Variants in RANBP3 observed in about 807,000 individuals in gnomAD.
RANBP3 encodes ran-binding protein 3.
RANBP3 carries 14 observed loss-of-function variants against 77.3 expected under a neutral mutation model. That is an observed-to-expected ratio of 0.18 (90% CI 0.12 to 0.28). The LOEUF (loss-of-function observed/expected upper bound fraction) is 0.28, where lower values mean the gene tolerates loss of function less well. Ranked by LOEUF, RANBP3 falls within the 10% of genes least tolerant of loss-of-function variation. The pLI, the probability that RANBP3 is intolerant of heterozygous loss-of-function variation, is 1.00. For synonymous variants in RANBP3, 315 were observed against 312.4 expected (o/e 1.01, Z -0.09); for missense variants, 586 against 752.3 (o/e 0.78, Z 2.59).
intron 1 of RANBP3, among the ~76,000 whole-genome samples, chr19:5,969,084 G>A (rs563401902): frequency 6.4e-4 from 97 of 152,302 alleles, no homozygotes; most frequent in African/African-American, 2.2e-3. Context: ...CTAAGGAAAG[G>A]AAGAGCCTGG....
chr19:5,957,732 C>G (rs942738917), intron 2 of RANBP3, among the ~76,000 whole-genome samples, 186 bp downstream of exon 2: 2 of 152,118 alleles, frequency 1.3e-5, no homozygotes, highest in Non-Finnish European at 2.9e-5. Context: ...AACCTCTCTC[C>G]ACGGTAACCT....
intron 10 of RANBP3, 144 bp downstream of exon 10, chr19:5,925,490 T>G (rs1420233030): frequency 2.1e-5 from 14 of 678,766 alleles, no homozygotes; most frequent in Non-Finnish European, 3.6e-5. Context: ...GTGCCCAGAG[T>G]GGGGAATGAG....
chr19:5,929,237 T>C (rs2057954920), intron 8 of RANBP3, among the ~76,000 whole-genome samples: 1 of 152,364 alleles, frequency 6.6e-6, no homozygotes, highest in South Asian at 2.1e-4. Context: ...CTTGTGCCTG[T>C]GCAAGAGTGA....
chr19:5,922,131 T>C (rs2057828912), intron 13 of RANBP3, among the ~76,000 whole-genome samples: 1 of 143,858 alleles, frequency 7.0e-6, no homozygotes, highest in African/African-American at 2.5e-5. Flanking sequence ...GTACGTTAGA[T>C]TCTGGTGAAA....
rs548023509 is a variant in RANBP3, at chr19:5,921,633, C to T, written c.1210-312G>A. 4.6e-5 allele frequency among the ~76,000 whole-genome samples: 7 copies of T among 152,262 alleles called. No homozygotes were observed. Among genetic ancestry groups the T allele is most frequent in the Non-Finnish European group, 8.8e-5 (6 of 68,046 alleles). The stretch of plus-strand genomic sequence containing the variant: ...CCTCACACACTGCTGGCGGGAAGGC[C>T]GCATGGTGCCACTGCTGTGGAAGAG... On this transcript the variant is annotated intron_variant, in intron 13 of 16. Coordinates refer to ENST00000340578, the MANE Select transcript of RANBP3 (RefSeq NM_007322.3). This position sits in a 1 kb window ranked among gnomAD's most constrained non-coding sequence, Gnocchi z 5.3.
rs150171192 is a variant in RANBP3 at position 5,975,632 on chromosome 19, G to A, written c.22+2429C>T. Among the ~76,000 whole-genome samples, 241 of 146,900 alleles carry A rather than the reference G, an allele frequency of 1.6e-3. 1 individual carries two copies. The highest frequency in any genetic ancestry group is 5.7e-3 in the African/African-American group (227 of 39,514). ...CCCTGACCTCATGGAGCTTACATGG[G>A]GCAAACATGCATGTAATATCTAGCA... On this transcript the variant is annotated intron_variant, in intron 1 of 16. Coordinates refer to ENST00000340578, the MANE Select transcript of RANBP3 (RefSeq NM_007322.3).
intron 3 of RANBP3, among the ~76,000 whole-genome samples, chr19:5,948,283 T>G (rs1207852130): frequency 7.2e-5 from 11 of 151,774 alleles, no homozygotes; most frequent in Non-Finnish European, 1.6e-4. Context: ...ACCCTGTCAC[T>G]ACCAAAAATA....
At chr19:5,975,524 CA>C (rs1219926076) in intron 1 of RANBP3, among the ~76,000 whole-genome samples, 15 of 151,660 alleles carry the variant, frequency 9.9e-5, no homozygotes, top group African/African-American at 3.6e-4. Context: ...TTCATTCATT[CA>C]ACCAATATTT....
At chr19:5,968,702 C>T (rs1165039120) in intron 1 of RANBP3, among the ~76,000 whole-genome samples, 6 of 152,270 alleles carry the variant, frequency 3.9e-5, no homozygotes, top group Admixed American at 2.6e-4. Flanking sequence ...ATGCCTGAGC[C>T]CTTCTGAGGT....
At position 5,978,073 on chromosome 19, in the gene RANBP3, G is replaced by C. The variant is rs747088521; in HGVS notation, c.10C>G (p.Leu4Val). 7.4e-6 allele frequency: 12 copies of C among 1,610,852 alleles called. No homozygotes were observed. The highest frequency in any genetic ancestry group is 4.0e-5 in the African/African-American group (3 of 74,414). ...GCGCCTCCCCTACCTTCGTTCGCCA[G>C]GTCCGCCATTTTACTTCCTTAAGCC... is the stretch of plus-strand genomic sequence containing the variant. Reference protein sequence around the residue: MADLANEEKPAIAP... With the variant: MADVANEEKPAIAP... The change falls in exon 1 of 17, where the codon CTG becomes GTG. Residue 4 changes from leucine to valine, a missense_variant. This residue lies in a region of RANBP3 where 172 missense variants were observed against 183.4 expected (regional missense o/e 0.94). Coordinates refer to ENST00000340578, the MANE Select transcript of RANBP3 (RefSeq NM_007322.3).
chr19:5,953,801 G>A (rs2058302945), intron 2 of RANBP3, among the ~76,000 whole-genome samples: 1 of 152,232 alleles, frequency 6.6e-6, no homozygotes, highest in African/African-American at 2.4e-5. Context: ...TCCCCAGGAA[G>A]CGCAGGCATG....
intron 1 of RANBP3, among the ~76,000 whole-genome samples, chr19:5,976,011 C>T (rs1037567621): frequency 2.6e-5 from 4 of 151,912 alleles, no homozygotes; most frequent in Non-Finnish European, 5.9e-5. Flanking sequence ...GTGGAGGGAA[C>T]GGGGGCTAAG....
At chr19:5,949,560 C>A in intron 3 of RANBP3, among the ~76,000 whole-genome samples, 1 of 152,198 alleles carries the variant, frequency 6.6e-6, no homozygotes, top group East Asian at 1.9e-4. Context: ...ACATGGCCAC[C>A]AGAGCTACAT....
intron 5 of RANBP3, chr19:5,935,987 C>T (rs182514888): frequency 5.9e-5 from 20 of 338,758 alleles, no homozygotes; most frequent in East Asian, 1.5e-4. Flanking sequence ...CCCCTCCCGC[C>T]GGCAGCCTTT....
chr19:5,957,201 A>G (rs978553739), intron 2 of RANBP3, among the ~76,000 whole-genome samples: 1 of 152,152 alleles, frequency 6.6e-6, no homozygotes, highest in African/African-American at 2.4e-5. Context: ...AACTCTGACC[A>G]TCCACACCGA....
At chr19:5,918,006 C>T (rs375348407) in intron 15 of RANBP3, 26 bp from the exon 16 acceptor site, 17 of 1,557,890 alleles carry the variant, frequency 1.1e-5, no homozygotes, top group Non-Finnish European at 1.3e-5. Context: ...GGTATGAGAC[C>T]CCCGGACCCC....
In RANBP3 at chr19:5,917,827, C is replaced by G; in HGVS notation, c.1627G>C (p.Asp543His). The change falls in exon 16 of 17, where the codon GAT (aspartate) becomes CAT (histidine). Residue 543 changes from aspartate (D) to histidine (H), a missense_variant. Coordinates refer to ENST00000340578, the MANE Select transcript of RANBP3 (RefSeq NM_007322.3). ...GTGGCCCCTGAAGGAGCCAGGACAT[C>G]GTCATCGTCGCTGTCGTCCTCCTCG... ...SNEEDDSDDD[D>H]VLAPSGATAA... is the part of the protein sequence containing the mutation. 11 of 1,612,106 alleles carry G rather than the reference C, an allele frequency of 6.8e-6. No homozygotes were observed. Among genetic ancestry groups the G allele is most frequent in the Non-Finnish European group, 9.3e-6 (11 of 1,179,544 alleles).
At position 5,951,488 on chromosome 19, in the gene RANBP3, G is replaced by A; in HGVS notation, c.187C>T (p.Leu63=). The A allele has an allele frequency of 6.2e-7, 1 of 1,610,838 alleles. No individual in the cohort carries two copies. Among genetic ancestry groups the A allele is most frequent in the East Asian group, 2.2e-5 (1 of 44,830 alleles). ...GCGCCAGCAGGGGCAGGAGGTTCTA[G>A]GGCATGCTCGCCAGCTGACTCGGGG... ...GHPESAGEHA[L]EPPAPAGASA... The change falls in exon 3 of 17, where the codon CTA becomes TTA. Residue 63 remains leucine (L), a synonymous_variant. Coordinates refer to ENST00000340578, the MANE Select transcript of RANBP3 (RefSeq NM_007322.3).
intron 1 of RANBP3, among the ~76,000 whole-genome samples, chr19:5,961,388 G>A (rs1022617101): frequency 3.3e-5 from 5 of 150,942 alleles, no homozygotes; most frequent in African/African-American, 1.2e-4. Context: ...TCCAGCCTGG[G>A]TGACAGAGCG....
Sources: gnomAD v4.1 joint callset for allele counts (sites outside exome capture counted in the v4.1 genomes callset) on GRCh38, gnomAD v4.1.1 for gene constraint, gnomAD v4.1.1 regional missense constraint, Gnocchi (gnomAD v3.1) non-coding constraint, MANE v1.5 for transcripts, NCBI Gene and HGNC (gene_info 2026-07-23, HGNC 2026-07-21) for gene names.